DSCAML1: variants seen among roughly 807,000 people sequenced by gnomAD.
DSCAML1 encodes the protein cell adhesion molecule DSCAML1.
DSCAML1 carries 38 observed loss-of-function variants against 200.5 expected under a neutral mutation model. The ratio of observed to expected loss-of-function variants is 0.19; its 90% confidence interval spans 0.15 to 0.25. The LOEUF (loss-of-function observed/expected upper bound fraction) is 0.25, where lower values mean the gene tolerates loss of function less well. Among genes scored for constraint, DSCAML1 ranks in the 10% least tolerant of loss-of-function variants. The probability of loss-of-function intolerance (pLI) is 1.00; values close to 1 mark genes in which losing one functional copy is unlikely to be tolerated. For missense variants in DSCAML1, 2,223 were observed against 2,858.8 expected (o/e 0.78, Z 5.07); for synonymous variants, 1,215 against 1,165.0 (o/e 1.04, Z -0.87).
chr11:117,530,261 G>GC (rs1029696800), intron 4 of DSCAML1, among the ~76,000 whole-genome samples: 2 of 152,110 alleles, frequency 1.3e-5, no homozygotes, highest in African/African-American at 4.8e-5. Flanking sequence ...CTTGCCTAGT[G>GC]CCCCCAAAAG....
intron 3 of DSCAML1, among the ~76,000 whole-genome samples, chr11:117,662,941 G>C (rs2052885975): frequency 6.6e-6 from 1 of 152,178 alleles, no homozygotes; most frequent in African/African-American, 2.4e-5. Context: ...AATAAATGTA[G>C]ACTCAGAAAA....
rs2050393035 is a variant in DSCAML1 at position 117,547,431 on chromosome 11, C to A, written c.512-14909G>T. Among the ~76,000 whole-genome samples, 5 of 152,316 alleles carry A rather than the reference C, an allele frequency of 3.3e-5. No individual in the cohort carries two copies. In the South Asian group the frequency reaches 1.0e-3, roughly 32 times the overall value. On this transcript the variant is annotated intron_variant, in intron 3 of 32. Coordinates refer to ENST00000651296, the MANE Select transcript of DSCAML1 (RefSeq NM_020693.4). ...ATGGCAGCTGCCCGCCCTTGGCTCGCTTCTAAGGCGCGGCCCCACCCTTCT... is the reference window on the plus strand; with the variant it reads ...ATGGCAGCTGCCCGCCCTTGGCTCGATTCTAAGGCGCGGCCCCACCCTTCT...
rs950100740 is a variant in DSCAML1 at position 117,780,891 on chromosome 11, C to A, written c.47-81G>T. 2 of 1,166,956 alleles carry A rather than the reference C, an allele frequency of 1.7e-6. No homozygotes were observed. The highest frequency in any genetic ancestry group is 2.3e-6 in the Non-Finnish European group (2 of 887,362). 72.3% of individuals were successfully genotyped at this position (1,166,956 alleles called of 1,614,324 possible). A position where few individuals can be genotyped will look rare whatever the true frequency, so the allele number is the denominator to read the frequency against. ...ATAAGCCACGGAGGCTTGCGACAGGCTGCACTCATTCACCTGACCTTCAAG... is the reference window on the plus strand; with the variant it reads ...ATAAGCCACGGAGGCTTGCGACAGGATGCACTCATTCACCTGACCTTCAAG... On this transcript the variant is annotated intron_variant, in intron 1 of 32. Transcript: ENST00000651296. The surrounding 1 kb of genome is among the most constrained non-coding windows in gnomAD (Gnocchi z 4.8).
intron 3 of DSCAML1, among the ~76,000 whole-genome samples, chr11:117,592,840 C>G (rs961277053): frequency 6.6e-6 from 1 of 152,214 alleles, no homozygotes; most frequent in Non-Finnish European, 1.5e-5. Context: ...CTTCCAGAGA[C>G]CAGGCTCCGT....
At chr11:117,559,958 T>C (rs775192585) in intron 3 of DSCAML1, among the ~76,000 whole-genome samples, 42 of 152,170 alleles carry the variant, frequency 2.8e-4, no homozygotes, top group Admixed American at 5.9e-4. Context: ...GGGAAAGTCC[T>C]GCCCCAAACC....
chr11:117,535,461 G>A (rs986941049), intron 3 of DSCAML1, among the ~76,000 whole-genome samples: 1 of 152,142 alleles, frequency 6.6e-6, no homozygotes, highest in African/African-American at 2.4e-5. Flanking sequence ...GACCACAGCC[G>A]GGCAGACCCC....
intron 4 of DSCAML1, among the ~76,000 whole-genome samples, chr11:117,531,733 AAAATTAGC>A (rs1199714108): frequency 6.6e-6 from 1 of 151,914 alleles, no homozygotes; most frequent in Non-Finnish European, 1.5e-5. Context: ...AAAAAACACA[AAAATTAGC>A]CGGGCGTGGT....
At chr11:117,596,323 A>C (rs1435609610) in intron 3 of DSCAML1, among the ~76,000 whole-genome samples, 1 of 152,096 alleles carries the variant, frequency 6.6e-6, no homozygotes, top group Non-Finnish European at 1.5e-5. Context: ...TTCTACCAGG[A>C]AACACAACCT....
At chr11:117,506,461 T>C (rs56714881) in intron 8 of DSCAML1, among the ~76,000 whole-genome samples, 5,360 of 151,170 alleles carry the variant, frequency 0.035, 333 homozygotes, top group African/African-American at 0.12. Context: ...CATGGTCTGC[T>C]CCTCAAGTCC....
At chr11:117,544,934 TATA>T (rs2050343102) in intron 3 of DSCAML1, among the ~76,000 whole-genome samples, 1 of 152,048 alleles carries the variant, frequency 6.6e-6, no homozygotes, top group Admixed American at 6.6e-5. Context: ...ATGATGCCCT[TATA>T]ACAAGAGGAA....
chr11:117,719,029 C>A (rs561819244), intron 3 of DSCAML1, among the ~76,000 whole-genome samples: 2 of 152,070 alleles, frequency 1.3e-5, no homozygotes, highest in African/African-American at 2.4e-5. Flanking sequence ...GGCCCATGGG[C>A]TATAGTTTGT....
At chr11:117,644,542 T>C (rs1444229407) in intron 3 of DSCAML1, among the ~76,000 whole-genome samples, 1 of 152,174 alleles carries the variant, frequency 6.6e-6, no homozygotes, top group Non-Finnish European at 1.5e-5. Context: ...CCTTCCTCCC[T>C]CCCACAGACG....
intron 3 of DSCAML1, among the ~76,000 whole-genome samples, chr11:117,578,369 C>T (rs994868746): frequency 1.3e-5 from 2 of 152,034 alleles, no homozygotes; most frequent in African/African-American, 4.8e-5. Context: ...CCTTCTGTTC[C>T]ACATCTAAAT....
At chr11:117,540,337 C>T (rs574527346) in intron 3 of DSCAML1, among the ~76,000 whole-genome samples, 38 of 152,226 alleles carry the variant, frequency 2.5e-4, no homozygotes, top group Middle Eastern at 6.8e-3. Context: ...ATCTAGGTTG[C>T]ACGCTCCTTA....
intron 3 of DSCAML1, among the ~76,000 whole-genome samples, chr11:117,679,817 A>C (rs983159317): frequency 2.0e-5 from 3 of 152,216 alleles, no homozygotes; most frequent in African/African-American, 7.2e-5. Flanking sequence ...TCCCGTTAGA[A>C]TGTACATCAT....
intron 3 of DSCAML1, among the ~76,000 whole-genome samples, chr11:117,534,132 G>T (rs1302538931): frequency 2.0e-5 from 3 of 152,192 alleles, no homozygotes; most frequent in African/African-American, 7.2e-5. Flanking sequence ...TGCTACCTGA[G>T]GCCTAAGTGA....
At chr11:117,751,022 G>T (rs1591471115) in intron 3 of DSCAML1, among the ~76,000 whole-genome samples, 1 of 152,256 alleles carries the variant, frequency 6.6e-6, no homozygotes, top group Non-Finnish European at 1.5e-5. Context: ...GCTTTTGGGG[G>T]TGGCTTTCTG....
intron 3 of DSCAML1, among the ~76,000 whole-genome samples, chr11:117,765,901 G>C (rs2054889075): frequency 6.6e-6 from 1 of 152,160 alleles, no homozygotes; most frequent in South Asian, 2.1e-4. Context: ...CATCACAAAA[G>C]AGACTCCAAG....
intron 4 of DSCAML1, among the ~76,000 whole-genome samples, chr11:117,530,414 A>C (rs2050055396): frequency 6.6e-6 from 1 of 152,078 alleles, no homozygotes; most frequent in Non-Finnish European, 1.5e-5. Context: ...CACCATACAC[A>C]CAAGTCCCCG....
Sources: allele counts gnomAD v4.1 joint callset (sites outside exome capture counted in the v4.1 genomes callset), GRCh38; gene constraint gnomAD v4.1.1; non-coding constraint Gnocchi (gnomAD v3.1); transcripts MANE v1.5; gene names NCBI Gene and HGNC (gene_info 2026-07-23, HGNC 2026-07-21).